Variants in MRTFA observed in about 807,000 individuals in gnomAD.
The protein encoded by MRTFA is myocardin related transcription factor A, also known as myocardin-related transcription factor A.
MRTFA carries 20 observed loss-of-function variants against 83.5 expected under a neutral mutation model. The observed-to-expected ratio is 0.24, with a 90% CI of 0.17 to 0.35. The LOEUF is 0.35. MRTFA is among the 10% of genes least tolerant of loss of function. The probability of loss-of-function intolerance (pLI) is 1.00; values close to 1 mark genes in which losing one functional copy is unlikely to be tolerated. For missense variants in MRTFA, 1,200 were observed against 1,224.7 expected, an observed-to-expected ratio of 0.98 and a Z score of 0.30; for synonymous variants, 659 against 541.2, an observed-to-expected ratio of 1.22 and a Z score of -3.02.
intron 2 of MRTFA, among the ~76,000 whole-genome samples, chr22:40,564,213 A>T (rs1373709757): frequency 6.6e-6 from 1 of 152,176 alleles, no homozygotes; most frequent in African/African-American, 2.4e-5. Context: ...GGAAAAGAGG[A>T]GGAATTTTAT....
Position 40,419,219 on chromosome 22 carries a change from C to G in MRTFA, c.1519G>C (p.Val507Leu). 6.2e-7 allele frequency: 1 copy of G among 1,603,628 alleles called. No homozygotes were observed. Among genetic ancestry groups the G allele is most frequent in the Non-Finnish European group, 8.5e-7 (1 of 1,175,256 alleles). ...AGCCGGGCCGCTGGGAAGGCTACCA[C>G]CACCTCGCCAGCCTTGTGCAGGATA... is the stretch of plus-strand genomic sequence containing the variant. Residue 507 changes from valine to leucine, a missense_variant, in exon 12 of 15, where the codon GTG (valine) becomes CTG (leucine). This residue lies in a region of MRTFA where 1,107 missense variants were observed against 1,041.8 expected (regional missense o/e 1.06). Transcript: ENST00000355630.
intron 1 of MRTFA, among the ~76,000 whole-genome samples, chr22:40,597,446 G>A (rs2056206691): frequency 6.6e-6 from 1 of 152,210 alleles, no homozygotes; most frequent in South Asian, 2.1e-4. Flanking sequence ...AACTAATTCA[G>A]TTGATAATTT....
At chr22:40,562,742 G>C (rs2055646444) in intron 2 of MRTFA, among the ~76,000 whole-genome samples, 1 of 87,956 alleles carries the variant, frequency 1.1e-5, no homozygotes, top group African/African-American at 4.5e-5. Context: ...GGGGGGAAGG[G>C]GGAACGGACG....
In MRTFA at chr22:40,620,124, A is replaced by ATT. The variant is rs35417531; in HGVS notation, c.-84+16352_-84+16353dup. ...AGACGCATACCACCACACCCAGCTA[A>ATT]TTTTTTTTTTTTTTTTTTGAGACAG... On this transcript the variant is annotated intron_variant, in intron 1 of 14. Transcript: ENST00000355630. Among the ~76,000 whole-genome samples the ATT allele has an allele frequency of 2.9e-3, 384 of 131,482 alleles. 3 individuals carry two copies. The highest frequency in any genetic ancestry group is 8.6e-3 in the African/African-American group (305 of 35,282). The allele number at this position is 131,482 out of a possible 152,430, so 86.3% of individuals were successfully genotyped here.
Position 40,420,837 on chromosome 22 carries a change from G to A in MRTFA, c.1181+10C>T, listed in dbSNP as rs2072857. On this transcript the variant is annotated intron_variant, in intron 10 of 14. Coordinates refer to ENST00000355630, the MANE Select transcript of MRTFA (RefSeq NM_020831.6). The stretch of plus-strand genomic sequence containing the variant: ...AGGGCAGGGGCAGGCAGTGAGGAGC[G>A]GGTGCCTACTTTGGCGGGGCAGGCA... 153,731 of 1,612,956 alleles carry A rather than the reference G, an allele frequency of 0.095. 8,721 individuals carry two copies. Among genetic ancestry groups the A allele is most frequent in the East Asian group, 0.25 (11,370 of 44,866 alleles).
chr22:40,575,201 T>C (rs1298684296), intron 2 of MRTFA, among the ~76,000 whole-genome samples: 2 of 152,226 alleles, frequency 1.3e-5, no homozygotes, highest in Non-Finnish European at 2.9e-5. Context: ...AGATCTAAAA[T>C]TTAACAGGTG....
intron 3 of MRTFA, among the ~76,000 whole-genome samples, chr22:40,466,048 G>A (rs1313113614): frequency 6.6e-6 from 1 of 152,150 alleles, no homozygotes; most frequent in African/African-American, 2.4e-5. Context: ...CTGCTCTACT[G>A]TGATAACAGG....
intron 1 of MRTFA, among the ~76,000 whole-genome samples, chr22:40,617,717 A>G (rs552122376): frequency 7.4e-6 from 1 of 134,868 alleles, no homozygotes; most frequent in East Asian, 2.4e-4. Flanking sequence ...ACAGAGCAAG[A>G]CTCTGTCTCA....
intron 1 of MRTFA, among the ~76,000 whole-genome samples, chr22:40,607,396 C>A (rs867618681): frequency 2.6e-5 from 4 of 151,560 alleles, no homozygotes; most frequent in Non-Finnish European, 5.9e-5. Context: ...CCCAGCTACA[C>A]GGGAGGCTGA....
chr22:40,477,277 G>A (rs1306055724), intron 3 of MRTFA, among the ~76,000 whole-genome samples: 2 of 151,580 alleles, frequency 1.3e-5, no homozygotes. Flanking sequence ...TTGAACCCAG[G>A]AGGCAGAGGT....
At chr22:40,515,890 T>A (rs2054749561) in intron 3 of MRTFA, among the ~76,000 whole-genome samples, 1 of 152,138 alleles carries the variant, frequency 6.6e-6, no homozygotes, top group Non-Finnish European at 1.5e-5. Flanking sequence ...CCACGCAACA[T>A]CTAGCACGTG....
rs55808950 is a variant in MRTFA at position 40,489,971 on chromosome 22, CAAAAA to C, written c.242-26690_242-26686del. On this transcript the variant is annotated intron_variant, in intron 3 of 14. Coordinates refer to ENST00000355630, the MANE Select transcript of MRTFA (RefSeq NM_020831.6). ...TGGGAGACAAAGCATGACTCTGTCGCAAAAAAAAAAAAAAAAATCAGAAAAGTGTA... is the reference window on the plus strand; with the variant it reads ...TGGGAGACAAAGCATGACTCTGTCGCAAAAAAAAAAAATCAGAAAAGTGTA... Among the ~76,000 whole-genome samples the C allele has an allele frequency of 2.0e-3, 214 of 105,870 alleles. 2 individuals carry two copies. Among genetic ancestry groups the C allele is most frequent in the African/African-American group, 7.4e-3 (201 of 27,160 alleles). The allele number at this position is 105,870 out of a possible 152,430, so 69.5% of individuals were successfully genotyped here.
At chr22:40,621,182 TAA>T (rs764914497) in intron 1 of MRTFA, among the ~76,000 whole-genome samples, 56 of 132,796 alleles carry the variant, frequency 4.2e-4, no homozygotes, top group Non-Finnish European at 3.9e-4. Flanking sequence ...ACTCTGTCTT[TAA>T]AAAAAAAAAA....
At chr22:40,595,394 T>A (rs1602475808) in intron 1 of MRTFA, among the ~76,000 whole-genome samples, 1 of 152,112 alleles carries the variant, frequency 6.6e-6, no homozygotes, top group Non-Finnish European at 1.5e-5. Context: ...GTGCTGGGAT[T>A]ACAGGTGTGA....
At chr22:40,556,946 C>T (rs933743001) in intron 2 of MRTFA, among the ~76,000 whole-genome samples, 3 of 152,150 alleles carry the variant, frequency 2.0e-5, no homozygotes, top group Non-Finnish European at 4.4e-5. Context: ...AAAACTTCAG[C>T]CCTAGGACTT....
chr22:40,502,677 G>A (rs910856346), intron 3 of MRTFA, among the ~76,000 whole-genome samples: 19 of 150,774 alleles, frequency 1.3e-4, no homozygotes, highest in South Asian at 8.5e-4. Flanking sequence ...CTGCAATCTC[G>A]GCACTTTGGG....
Position 40,447,008 on chromosome 22 carries a change from C to G in MRTFA, c.308-11454G>C, listed in dbSNP as rs549941407. On this transcript the variant is annotated intron_variant, in intron 4 of 14. Coordinates refer to ENST00000355630, the MANE Select transcript of MRTFA (RefSeq NM_020831.6). Reference sequence around the variant, plus strand: ...GAACTATAAAGCAAGTTATAAGTGACAGTGATGGGGTGAGGTCATTTTATA... The same window carrying G: ...GAACTATAAAGCAAGTTATAAGTGAGAGTGATGGGGTGAGGTCATTTTATA... Among the ~76,000 whole-genome samples, 5 of 152,186 alleles carry G rather than the reference C, an allele frequency of 3.3e-5. No homozygotes were observed. The South Asian group carries it at 1.0e-3, about 32-fold the overall frequency.
At chr22:40,626,074 C>A (rs2056578649) in intron 1 of MRTFA, among the ~76,000 whole-genome samples, 1 of 151,962 alleles carries the variant, frequency 6.6e-6, no homozygotes, top group Non-Finnish European at 1.5e-5. Flanking sequence ...ACCTCCACCT[C>A]CCCGGTTCAA....
rs1834829139 is a variant in MRTFA, at chr22:40,604,060, G to A, written c.-83-9325C>T. 2.6e-5 allele frequency among the ~76,000 whole-genome samples: 4 copies of A among 151,246 alleles called. No individual in the cohort carries two copies. The South Asian group carries it at 8.3e-4, about 32-fold the overall frequency. ...CATGATCTGGTGAACTTGGAAAACA[G>A]ATAAAGAACAAAGTGATTCTTGGAA... is the stretch of plus-strand genomic sequence containing the variant. On this transcript the variant is annotated intron_variant, in intron 1 of 14. Transcript: ENST00000355630.
Sources: gnomAD v4.1 joint callset for allele counts (sites outside exome capture counted in the v4.1 genomes callset) on GRCh38, gnomAD v4.1.1 for gene constraint, gnomAD v4.1.1 regional missense constraint, MANE v1.5 for transcripts, NCBI Gene and HGNC (gene_info 2026-07-23, HGNC 2026-07-21) for gene names.